The following NELL2 variants were observed in gnomAD, a reference collection of about 807,000 sequenced individuals.
NELL2 encodes protein kinase C-binding protein NELL2.
NELL2 carries 41 observed loss-of-function variants against 109.6 expected under a neutral mutation model. That is an observed-to-expected ratio of 0.37 (90% CI 0.29 to 0.49). The LOEUF is 0.49. NELL2 is among the 20% of genes least tolerant of loss of function. NELL2 has a pLI of 0.98. For missense variants in NELL2, 900 were observed against 1,008.3 expected, an observed-to-expected ratio of 0.89 and a Z score of 1.45; for synonymous variants, 355 against 344.7, an observed-to-expected ratio of 1.03 and a Z score of -0.33.
intron 3 of NELL2, among the ~76,000 whole-genome samples, chr12:44,810,694 G>A (rs2089629897): frequency 6.6e-6 from 1 of 152,054 alleles, no homozygotes. Context: ...CCACTGACTG[G>A]ATGAGCTTCA....
At chr12:44,567,815 T>C (rs762403906) in intron 15 of NELL2, among the ~76,000 whole-genome samples, 2 of 152,174 alleles carry the variant, frequency 1.3e-5, no homozygotes, top group African/African-American at 2.4e-5. Flanking sequence ...CAGACAATCA[T>C]CTTACAATAA....
chr12:44,704,518 CAT>C (rs1259334262), intron 11 of NELL2, among the ~76,000 whole-genome samples: 4 of 152,264 alleles, frequency 2.6e-5, no homozygotes, highest in South Asian at 2.1e-4. Context: ...TGACAGCAAT[CAT>C]GTGCAATTTC....
chr12:44,509,182 A>G (rs1031803857), intron 19 of NELL2, among the ~76,000 whole-genome samples, 198 bp from the exon 20 acceptor site: 1 of 152,168 alleles, frequency 6.6e-6, no homozygotes, highest in Non-Finnish European at 1.5e-5. Context: ...GTGGGAAGTC[A>G]TAAACTGGCT....
chr12:44,901,517 G>A (rs1198952122), intron 1 of NELL2, among the ~76,000 whole-genome samples: 1 of 152,100 alleles, frequency 6.6e-6, no homozygotes, highest in Non-Finnish European at 1.5e-5. Context: ...CCAAACAACA[G>A]AAAAAGAGGG....
Position 44,779,723 on chromosome 12 carries a change from G to A in NELL2, c.546C>T (p.Asp182=). The A allele has an allele frequency of 6.2e-7, 1 of 1,614,030 alleles. No individual in the cohort carries two copies. The highest frequency in any genetic ancestry group is 8.5e-7 in the Non-Finnish European group (1 of 1,179,894). ...YERVVEKPST[D]LPLGTTFWLG... is the part of the protein sequence containing the mutation. ...GCCAAAATGTTGTGCCTAGAGGCAA[G>A]TCTGTGGAGGGCTTTTCTACTACCC... Residue 182 remains aspartate (D), a synonymous_variant, in exon 5 of 20, where the codon GAC becomes GAT. Transcript: ENST00000429094.
At chr12:44,753,357 A>T (rs10880669) in intron 9 of NELL2, among the ~76,000 whole-genome samples, 104,469 of 151,748 alleles carry the variant, frequency 0.69, 36,278 homozygotes, top group Non-Finnish European at 0.74. Flanking sequence ...ACTGCCTAGT[A>T]CATGGGAACA....
At chr12:44,832,174 C>T (rs1763100301) in intron 2 of NELL2, among the ~76,000 whole-genome samples, 1 of 151,968 alleles carries the variant, frequency 6.6e-6, no homozygotes, top group Admixed American at 6.6e-5. Flanking sequence ...AGAATGAGCC[C>T]CAAAATTGGC....
intron 3 of NELL2, among the ~76,000 whole-genome samples, chr12:44,801,852 T>C (rs543929699): frequency 9.9e-5 from 15 of 152,104 alleles, no homozygotes; most frequent in African/African-American, 3.4e-4. Context: ...AGTTGGCAAA[T>C]ATTTATTAGC....
intron 13 of NELL2, among the ~76,000 whole-genome samples, chr12:44,634,572 T>C (rs536718927): frequency 9.2e-5 from 14 of 152,300 alleles, no homozygotes; most frequent in Admixed American, 2.0e-4. Flanking sequence ...CAGTCTATCA[T>C]TGATGGGCAT....
intron 9 of NELL2, among the ~76,000 whole-genome samples, chr12:44,763,871 T>TA (rs71093824): frequency 1.6e-4 from 24 of 151,944 alleles, no homozygotes; most frequent in South Asian, 1.0e-3. Context: ...AGATTTACAA[T>TA]AAAAAAAACA....
intron 12 of NELL2, among the ~76,000 whole-genome samples, chr12:44,699,029 T>A (rs1321470154): frequency 1.3e-5 from 2 of 152,088 alleles, no homozygotes; most frequent in Non-Finnish European, 2.9e-5. Context: ...TAGTGGAATG[T>A]GAGGATAGAA....
At chr12:44,642,506 G>A (rs148501042) in intron 13 of NELL2, among the ~76,000 whole-genome samples, 39 of 152,254 alleles carry the variant, frequency 2.6e-4, no homozygotes, top group African/African-American at 8.4e-4. Context: ...TGGGTATAAA[G>A]TTTTAGTTAC....
At chr12:44,840,153 T>G (rs1407518486) in intron 2 of NELL2, among the ~76,000 whole-genome samples, 1 of 152,128 alleles carries the variant, frequency 6.6e-6, no homozygotes, top group African/African-American at 2.4e-5. Flanking sequence ...CCTAAATGCT[T>G]TCCAAGTTCC....
intron 13 of NELL2, among the ~76,000 whole-genome samples, chr12:44,661,785 C>G (rs1394291455): frequency 1.3e-5 from 2 of 152,120 alleles, no homozygotes; most frequent in African/African-American, 4.8e-5. Context: ...GAAGAATGGG[C>G]CTCAAGCATC....
At chr12:44,606,087 G>A (rs141104149) in intron 15 of NELL2, among the ~76,000 whole-genome samples, 1,756 of 152,194 alleles carry the variant, frequency 0.012, 16 homozygotes, top group Non-Finnish European at 0.02. Flanking sequence ...TGCATTGTCC[G>A]TCACAGACTT....
chr12:44,638,383 AG>A (rs1408243149), intron 13 of NELL2, among the ~76,000 whole-genome samples: 1 of 152,152 alleles, frequency 6.6e-6, no homozygotes, highest in African/African-American at 2.4e-5. Flanking sequence ...AGATGTATGC[AG>A]GTTATGTAAA....
intron 9 of NELL2, among the ~76,000 whole-genome samples, chr12:44,722,043 G>T (rs1938802676): frequency 1.3e-5 from 2 of 152,038 alleles, no homozygotes; most frequent in African/African-American, 4.8e-5. Context: ...AGCAACTGAG[G>T]ACAGAAAAAT....
intron 13 of NELL2, among the ~76,000 whole-genome samples, chr12:44,637,019 G>T (rs549184210): frequency 4.9e-4 from 75 of 152,170 alleles, no homozygotes; most frequent in Non-Finnish European, 8.7e-4. Flanking sequence ...ACTTCTTCTA[G>T]ATTTTTTAGT....
chr12:44,601,122 G>A (rs1322006997), intron 15 of NELL2, among the ~76,000 whole-genome samples: 1 of 151,746 alleles, frequency 6.6e-6, no homozygotes, highest in Admixed American at 6.6e-5. Context: ...TCTTTTTCTT[G>A]GAGACCTGCT....
Sources: allele counts gnomAD v4.1 joint callset (sites outside exome capture counted in the v4.1 genomes callset), GRCh38; gene constraint gnomAD v4.1.1; transcripts MANE v1.5; gene names NCBI Gene and HGNC (gene_info 2026-07-23, HGNC 2026-07-21).